MAP3K14: variants seen among roughly 807,000 people sequenced by gnomAD.
The protein encoded by MAP3K14 is mitogen-activated protein kinase kinase kinase 14, also known as NF-kappa-beta-inducing kinase.
In MAP3K14, 16 loss-of-function variants were observed where a neutral mutation model predicts 99.2. The ratio of observed to expected loss-of-function variants is 0.16; its 90% confidence interval spans 0.11 to 0.24. The LOEUF (loss-of-function observed/expected upper bound fraction) is 0.24, where lower values mean the gene tolerates loss of function less well. Ranked by LOEUF, MAP3K14 falls within the 10% of genes least tolerant of loss-of-function variation. The pLI is 1.00. For missense variants in MAP3K14, 784 were observed against 1,208.7 expected (o/e 0.65, Z 5.21); for synonymous variants, 462 against 492.4 (o/e 0.94, Z 0.82).
At chr17:45,284,976 G>T (rs2044252546) in intron 5 of MAP3K14, 27 bp from the exon 6 acceptor site, 1 of 1,549,532 alleles carries the variant, frequency 6.5e-7, no homozygotes, top group African/African-American at 1.4e-5. Flanking sequence ...AGAGAGGACA[G>T]TTTCAGTGGC....
chr17:45,298,397 C>T (rs185014617), intron 1 of MAP3K14, among the ~76,000 whole-genome samples: 7 of 152,234 alleles, frequency 4.6e-5, no homozygotes, highest in Admixed American at 2.0e-4. Context: ...GAGTAGATTA[C>T]AAAACAGCAA....
intron 1 of MAP3K14, among the ~76,000 whole-genome samples, chr17:45,306,755 C>A (rs1219955682): frequency 1.3e-5 from 2 of 152,190 alleles, no homozygotes; most frequent in African/African-American, 4.8e-5. Flanking sequence ...AGAAGTATTA[C>A]AATGGTATTT....
intron 6 of MAP3K14, among the ~76,000 whole-genome samples, chr17:45,276,714 T>C (rs1437488064): frequency 2.0e-5 from 3 of 151,634 alleles, no homozygotes; most frequent in Admixed American, 1.3e-4. Context: ...GGTTTCACCA[T>C]GTTGGTCAGG....
intron 15 of MAP3K14, 145 bp from the exon 16 acceptor site, chr17:45,264,945 C>A: frequency 1.1e-6 from 1 of 913,334 alleles, no homozygotes; most frequent in Admixed American, 2.5e-5. Flanking sequence ...GAATCCCACC[C>A]GGCTCAAGTG....
Position 45,265,207 on chromosome 17 carries a change from G to A in MAP3K14, c.2635C>T (p.His879Tyr). The change falls in exon 15 of 16, where the codon CAC becomes TAC. Residue 879 changes from histidine to tyrosine, a missense_variant. His to Tyr is a moderately conservative substitution (Grantham distance 83). This residue lies in a region of MAP3K14 where 130 missense variants were observed against 220.4 expected (regional missense o/e 0.59). Transcript: ENST00000344686. ...GCGATGTCTCCCACTTTGACCCGGTGGAACTCCCGGATGTGCAGGTGTTCA... is the reference window on the plus strand; with the variant it reads ...GCGATGTCTCCCACTTTGACCCGGTAGAACTCCCGGATGTGCAGGTGTTCA... ...NGEHLHIREFHRVKVGDIATG... is the reference protein window; with the variant it reads ...NGEHLHIREFYRVKVGDIATG... The A allele has an allele frequency of 6.2e-7, 1 of 1,613,906 alleles. No homozygotes were observed. The highest frequency in any genetic ancestry group is 8.5e-7 in the Non-Finnish European group (1 of 1,179,878).
Position 45,266,533 on chromosome 17 carries a change from G to A in MAP3K14, c.2578+4C>T. 1.9e-6 allele frequency: 3 copies of A among 1,611,462 alleles called. No homozygotes were observed. Among genetic ancestry groups the A allele is most frequent in the African/African-American group, 2.7e-5 (2 of 74,998 alleles). On this transcript the variant is annotated splice_donor_region_variant and intron_variant, in intron 14 of 15. Transcript: ENST00000344686. The stretch of plus-strand genomic sequence containing the variant: ...CTGCTGAGCAGGTGGGAATTGGACT[G>A]TACCATTGAAATAGCTTGGGGTGTC...
Position 45,272,016 on chromosome 17 carries a change from TTTC to T in MAP3K14, c.1658-798_1658-796del, listed in dbSNP as rs2044146263. On this transcript the variant is annotated intron_variant, in intron 9 of 15. Coordinates refer to ENST00000344686, the MANE Select transcript of MAP3K14 (RefSeq NM_003954.5). This position sits in a 1 kb window ranked among gnomAD's most constrained non-coding sequence, Gnocchi z 4.1. ...ATTTGTAATTTTTGCTTAGCTCTAC[TTTC>T]TTCAACAGATATTAGAAAAAAGGGT... 2.0e-5 allele frequency among the ~76,000 whole-genome samples: 3 copies of T among 152,216 alleles called. No individual in the cohort carries two copies. The highest frequency in any genetic ancestry group is 1.3e-4 in the Admixed American group (2 of 15,280).
At chr17:45,311,569 G>A (rs1193222348) in intron 1 of MAP3K14, among the ~76,000 whole-genome samples, 1 of 152,158 alleles carries the variant, frequency 6.6e-6, no homozygotes, top group African/African-American at 2.4e-5. Flanking sequence ...CTGGGAGGGA[G>A]GGATGGCTCA....
intron 6 of MAP3K14, among the ~76,000 whole-genome samples, chr17:45,275,535 A>C (rs912207065): frequency 6.6e-6 from 1 of 150,896 alleles, no homozygotes; most frequent in Non-Finnish European, 1.5e-5. Context: ...AAAACAAAAA[A>C]CCCCCTACAT....
chr17:45,286,558 T>G lies in MAP3K14; in HGVS notation c.1025A>C (p.Gln342Pro). 1 of 1,610,950 alleles carries G rather than the reference T, an allele frequency of 6.2e-7. No individual in the cohort carries two copies. The highest frequency in any genetic ancestry group is 8.5e-7 in the Non-Finnish European group (1 of 1,178,802). Reference protein sequence around the residue: ...SVEEYLVHALQGSVSSGQAHS... With the variant: ...SVEEYLVHALPGSVSSGQAHS... ...GGCCTGGCCTGAGCTCACGCTGCCT[T>G]GCAGAGCATGCACTAGGTATTCCTC... The change falls in exon 5 of 16, where the codon CAA (glutamine) becomes CCA (proline). Residue 342 changes from glutamine (Q) to proline (P), a missense_variant. Transcript: ENST00000344686. This position sits in a 1 kb window ranked among gnomAD's most constrained non-coding sequence, Gnocchi z 4.1.
rs917131975 is a variant in MAP3K14, at chr17:45,272,905, A to G, written c.1657+598T>C. 4.6e-5 allele frequency among the ~76,000 whole-genome samples: 7 copies of G among 152,104 alleles called. No homozygotes were observed. Among genetic ancestry groups the G allele is most frequent in the Non-Finnish European group, 1.0e-4 (7 of 68,014 alleles). On this transcript the variant is annotated intron_variant, in intron 9 of 15. Transcript: ENST00000344686. The surrounding 1 kb of genome is among the most constrained non-coding windows in gnomAD (Gnocchi z 4.1). ...CAGTGAGCTGAGATTGTGCCACTGCACTCCAGCCTGGGTGACAGAGTGAGA... is the reference window on the plus strand; with the variant it reads ...CAGTGAGCTGAGATTGTGCCACTGCGCTCCAGCCTGGGTGACAGAGTGAGA...
At chr17:45,287,126 G>C in intron 4 of MAP3K14, 28 bp downstream of exon 4, 2 of 1,607,902 alleles carry the variant, frequency 1.2e-6, no homozygotes, top group South Asian at 2.2e-5. Context: ...ATGAACCTGG[G>C]GTCTGGGCAG....
At chr17:45,292,401 C>CA (rs1251357420) in intron 1 of MAP3K14, among the ~76,000 whole-genome samples, 1 of 151,918 alleles carries the variant, frequency 6.6e-6, no homozygotes, top group Non-Finnish European at 1.5e-5. Flanking sequence ...CCTGTCTCTA[C>CA]AAAAAAATAC....
At chr17:45,305,246 G>A (rs1345637849) in intron 1 of MAP3K14, among the ~76,000 whole-genome samples, 1 of 151,594 alleles carries the variant, frequency 6.6e-6, no homozygotes, top group African/African-American at 2.4e-5. Context: ...ACAGGCACCC[G>A]CCACCACGCT....
chr17:45,296,674 C>A (rs1420256572), intron 1 of MAP3K14, among the ~76,000 whole-genome samples: 2 of 152,160 alleles, frequency 1.3e-5, no homozygotes, highest in Non-Finnish European at 2.9e-5. Flanking sequence ...ACCCTTTCTG[C>A]CCTTCCTACA....
At chr17:45,296,871 C>T (rs1205784941) in intron 1 of MAP3K14, among the ~76,000 whole-genome samples, 4 of 152,182 alleles carry the variant, frequency 2.6e-5, no homozygotes, top group Non-Finnish European at 5.9e-5. Context: ...CTCAATGAAG[C>T]CTTTTATGGT....
intron 1 of MAP3K14, among the ~76,000 whole-genome samples, chr17:45,313,961 T>C (rs2044506609): frequency 6.6e-6 from 1 of 152,190 alleles, no homozygotes; most frequent in Non-Finnish European, 1.5e-5. Flanking sequence ...CACATGAGTA[T>C]GGTGTGAAAA....
In MAP3K14 at chr17:45,265,634, C is replaced by T. The variant is rs562930009; in HGVS notation, c.2579-371G>A. Among the ~76,000 whole-genome samples the T allele has an allele frequency of 8.0e-4, 121 of 152,200 alleles. 1 individual carries two copies. The highest frequency in any genetic ancestry group is 1.4e-3 in the Admixed American group (21 of 15,284). On this transcript the variant is annotated intron_variant, in intron 14 of 15. Transcript: ENST00000344686. ...TGTATTTTTAGTAGAGACGGGGTTT[C>T]ACCATGTTGGCCAGGCTGGTCTCGA...
At position 45,286,588 on chromosome 17, in the gene MAP3K14, G is replaced by T; in HGVS notation, c.995C>A (p.Ser332Tyr). The T allele has an allele frequency of 6.2e-7, 1 of 1,611,470 alleles. No homozygotes were observed. Among genetic ancestry groups the T allele is most frequent in the Non-Finnish European group, 8.5e-7 (1 of 1,178,972 alleles). ...CLSRGAHEKF[S>Y]VEEYLVHALQ... Reference sequence around the variant, plus strand: ...AGCATGCACTAGGTATTCCTCCACAGAAAACTTCTCATGGGCACCACGAGA... The same window carrying T: ...AGCATGCACTAGGTATTCCTCCACATAAAACTTCTCATGGGCACCACGAGA... The change falls in exon 5 of 16, where the codon TCT becomes TAT. Residue 332 changes from serine to tyrosine, a missense_variant. Around this residue, in one of 5 missense-constraint regions of MAP3K14, gnomAD observed 138 missense variants for 164.1 expected, o/e 0.84. Coordinates refer to ENST00000344686, the MANE Select transcript of MAP3K14 (RefSeq NM_003954.5). The surrounding 1 kb of genome is among the most constrained non-coding windows in gnomAD (Gnocchi z 4.1).
Sources: gnomAD v4.1 joint callset for allele counts (sites outside exome capture counted in the v4.1 genomes callset) on GRCh38, gnomAD v4.1.1 for gene constraint, gnomAD v4.1.1 regional missense constraint, Gnocchi (gnomAD v3.1) non-coding constraint, MANE v1.5 for transcripts, NCBI Gene and HGNC (gene_info 2026-07-23, HGNC 2026-07-21) for gene names.